PREPL: variants seen among roughly 807,000 people sequenced by gnomAD.
PREPL encodes the protein prolyl endopeptidase like.
A neutral mutation model predicts 70.6 loss-of-function variants in PREPL; 77 were observed. The observed-to-expected ratio is 1.09, with a 90% CI of 0.91 to 1.32. The LOEUF (loss-of-function observed/expected upper bound fraction) is 1.32, where lower values mean the gene tolerates loss of function less well. Among genes scored for constraint, PREPL ranks in the 40% most tolerant of loss-of-function variants. The pLI, the probability that PREPL is intolerant of heterozygous loss-of-function variation, is 0.00. For missense variants in PREPL, 1,002 were observed against 778.2 expected, an observed-to-expected ratio of 1.29 and a Z score of -3.42; for synonymous variants, 315 against 264.8, an observed-to-expected ratio of 1.19 and a Z score of -1.84.
Position 44,320,775 on chromosome 2 carries a change from TAAGA to T in PREPL, c.*577_*580del. 1 of 739,974 alleles carries T rather than the reference TAAGA, an allele frequency of 1.4e-6. No homozygotes were observed. The highest frequency in any genetic ancestry group is 2.3e-6 in the Non-Finnish European group (1 of 429,740). 45.8% of individuals were successfully genotyped at this position (739,974 alleles called of 1,614,324 possible). On this transcript the variant is annotated 3_prime_UTR_variant, in exon 14 of 14. Transcript: ENST00000409411. The stretch of plus-strand genomic sequence containing the variant: ...TTCTGTAGCTTGAATGTAACTGCTT[TAAGA>T]AAGGTTCTCAAATGTTTTGAAAAAA...
intron 6 of PREPL, 147 bp from the exon 7 acceptor site, chr2:44,338,683 G>C: frequency 2.8e-6 from 2 of 720,588 alleles, no homozygotes; most frequent in Non-Finnish European, 4.5e-6. Flanking sequence ...GGGATAAAGT[G>C]TGACCATCAA....
intron 8 of PREPL, among the ~76,000 whole-genome samples, chr2:44,330,588 AT>A (rs1001918298): frequency 3.9e-5 from 6 of 152,230 alleles, no homozygotes; most frequent in Non-Finnish European, 5.9e-5. Context: ...TTCAACAAGC[AT>A]GTATTGCTTT....
rs190459839 is a variant in PREPL at position 44,350,712 on chromosome 2, T to G, written c.-48-4322A>C. Among the ~76,000 whole-genome samples, 18 of 152,342 alleles carry G rather than the reference T, an allele frequency of 1.2e-4. No individual in the cohort carries two copies. In the East Asian group the frequency reaches 3.3e-3, roughly 28 times the overall value. ...CTTACCCCTTCTCTAGAGCCCAGAC[T>G]TTTGCTCTTCTTATGCCACTGACTG... On this transcript the variant is annotated intron_variant, in intron 1 of 13. Coordinates refer to ENST00000409411, the MANE Select transcript of PREPL (RefSeq NM_001171613.2).
chr2:44,328,850 G>C, intron 9 of PREPL, 87 bp downstream of exon 9: 1 of 1,283,748 alleles, frequency 7.8e-7, no homozygotes, highest in Non-Finnish European at 1.1e-6. Flanking sequence ...AAAAAAATAA[G>C]CTTTTGTTCC....
In PREPL at chr2:44,321,817, G is replaced by C. The variant is rs1295732711; in HGVS notation, c.1827+10C>G. 2.5e-6 allele frequency: 4 copies of C among 1,613,800 alleles called. No individual in the cohort carries two copies. Among genetic ancestry groups the C allele is most frequent in the Non-Finnish European group, 3.4e-6 (4 of 1,179,776 alleles). On this transcript the variant is annotated intron_variant, in intron 13 of 13. Coordinates refer to ENST00000409411, the MANE Select transcript of PREPL (RefSeq NM_001171613.2). ...GGAATCTGTCCACTGAGAGGGCCTT[G>C]ATAACATACCTTTTTGTGAGAATCC...
In PREPL at chr2:44,332,566, T is replaced by C; in HGVS notation, c.979A>G (p.Lys327Glu). 6.2e-7 allele frequency: 1 copy of C among 1,613,870 alleles called. No homozygotes were observed. Among genetic ancestry groups the C allele is most frequent in the Non-Finnish European group, 8.5e-7 (1 of 1,179,748 alleles). Residue 327 changes from lysine to glutamate, a missense_variant, in exon 8 of 14, where the codon AAA becomes GAA. By Grantham distance (56) the Lys-to-Glu change is moderately conservative. Coordinates refer to ENST00000409411, the MANE Select transcript of PREPL (RefSeq NM_001171613.2). ...TCTGCAAACTTGTATGTGTAATATT[T>C]TGGGGGACGTATTGGAGAGCAAAGT... ...FQLCSPIRPP[K>E]YYTYKFAEGK... is the part of the protein sequence containing the mutation.
In PREPL at chr2:44,327,920, C is replaced by T. The variant is rs185966998; in HGVS notation, c.1263-992G>A. ...AGGACATGATTTTGGAAGGCTGAGG[C>T]GGGCGGACTGCTTGAGCTCAGGAGT... On this transcript the variant is annotated intron_variant, in intron 9 of 13. Transcript: ENST00000409411. Among the ~76,000 whole-genome samples the T allele has an allele frequency of 1.9e-3, 292 of 151,634 alleles. 1 individual carries two copies. The highest frequency in any genetic ancestry group is 4.7e-3 in the African/African-American group (194 of 41,358).
Position 44,322,711 on chromosome 2 carries a change from G to C in PREPL, c.1753+20C>G. ...AGTAGTCTGTTTGGCCATGTTCCCT[G>C]CTTCTAGGGGGTCTCCTACCTTCAC... On this transcript the variant is annotated intron_variant, in intron 12 of 13. Transcript: ENST00000409411. 1.9e-6 allele frequency: 3 copies of C among 1,609,030 alleles called. No individual in the cohort carries two copies. In the South Asian group the frequency reaches 3.3e-5, roughly 18 times the overall value.
intron 5 of PREPL, among the ~76,000 whole-genome samples, chr2:44,341,997 A>C (rs1025832580): frequency 6.6e-6 from 1 of 152,130 alleles, no homozygotes; most frequent in African/African-American, 2.4e-5. Flanking sequence ...TTTAGTTTGA[A>C]AGAGAGATAC....
Position 44,321,221 on chromosome 2 carries a change from T to C in PREPL, c.*135A>G. The C allele has an allele frequency of 6.4e-6, 5 of 776,334 alleles. No homozygotes were observed. Among genetic ancestry groups the C allele is most frequent in the Non-Finnish European group, 8.2e-6 (4 of 485,198 alleles). The allele number at this position is 776,334 out of a possible 1,614,324, so 48.1% of individuals were successfully genotyped here. On this transcript the variant is annotated 3_prime_UTR_variant, in exon 14 of 14. Transcript: ENST00000409411. ...AGTGAGATGTAGACTAAGCAAAATT[T>C]AGATGGAGAAGCACATTTTAAAAAA... is the stretch of plus-strand genomic sequence containing the variant.
intron 4 of PREPL, among the ~76,000 whole-genome samples, chr2:44,343,415 T>A (rs915205883): frequency 3.3e-5 from 5 of 152,210 alleles, no homozygotes; most frequent in African/African-American, 1.2e-4. Flanking sequence ...AAGCTTAAAG[T>A]TGAATAAAAT....
At chr2:44,338,806 A>G (rs1311482101) in intron 6 of PREPL, among the ~76,000 whole-genome samples, 1 of 152,216 alleles carries the variant, frequency 6.6e-6, no homozygotes, top group Non-Finnish European at 1.5e-5. Flanking sequence ...CTACAGATAC[A>G]TCAGTGAGCT....
chr2:44,346,118 A>G (rs1322063904), intron 2 of PREPL, 150 bp downstream of exon 2: 2 of 637,144 alleles, frequency 3.1e-6, no homozygotes, highest in East Asian at 5.7e-5. Flanking sequence ...CAATCTCTGA[A>G]ATCTTTGCTT....
In PREPL at chr2:44,335,060, A is replaced by C. The variant is rs1184070036; in HGVS notation, c.889-2404T>G. On this transcript the variant is annotated intron_variant, in intron 7 of 13. Coordinates refer to ENST00000409411, the MANE Select transcript of PREPL (RefSeq NM_001171613.2). Reference sequence around the variant, plus strand: ...TATAAAATTCTCTTTATTATATACCAGGTACTAACCAGAAAGATCAAGAAG... The same window carrying C: ...TATAAAATTCTCTTTATTATATACCCGGTACTAACCAGAAAGATCAAGAAG... Among the ~76,000 whole-genome samples, 6 of 152,238 alleles carry C rather than the reference A, an allele frequency of 3.9e-5. No individual in the cohort carries two copies. In the East Asian group the frequency reaches 1.2e-3, roughly 29 times the overall value.
intron 8 of PREPL, among the ~76,000 whole-genome samples, chr2:44,332,148 G>A (rs1483184599): frequency 7.2e-5 from 11 of 151,728 alleles, no homozygotes; most frequent in East Asian, 1.9e-4. Context: ...GGGTTTCACC[G>A]TGTTAGCCAG....
intron 2 of PREPL, among the ~76,000 whole-genome samples, chr2:44,345,122 G>C (rs554098921): frequency 6.6e-6 from 1 of 152,232 alleles, no homozygotes; most frequent in South Asian, 2.1e-4. Context: ...ATTTGAAATT[G>C]AGAGAATTAA....
rs150487076 is a variant in PREPL at position 44,318,093 on chromosome 2, CTG to C, written c.*3261_*3262del. On this transcript the variant is annotated 3_prime_UTR_variant, in exon 14 of 14. Transcript: ENST00000409411. Reference sequence around the variant, plus strand: ...CAATAATACTTAAAGGATCTCAACACTGTTTTTTTTTTTTTTTGAGACAGTCT... The same window carrying C: ...CAATAATACTTAAAGGATCTCAACACTTTTTTTTTTTTTTTGAGACAGTCT... 5,826 of 394,750 alleles carry C rather than the reference CTG, an allele frequency of 0.015. 292 individuals are homozygous for C. In the African/African-American group the frequency reaches 0.16, roughly 11 times the overall value. The allele number at this position is 394,750 out of a possible 1,614,324, so 24.5% of individuals were successfully genotyped here. A position where few individuals can be genotyped will look rare whatever the true frequency, so the allele number is the denominator to read the frequency against.
Position 44,318,052 on chromosome 2 carries a change from TATTTGCAC to T in PREPL, c.*3296_*3303del, listed in dbSNP as rs1672576706. ...TAATTCCATTCCTAATACTTAGAAA[TATTTGCAC>T]ATGTGCACAATAATACTTAAAGGAT... On this transcript the variant is annotated 3_prime_UTR_variant, in exon 14 of 14. Coordinates refer to ENST00000409411, the MANE Select transcript of PREPL (RefSeq NM_001171613.2). 4.7e-6 allele frequency: 2 copies of T among 427,092 alleles called. No homozygotes were observed. The highest frequency in any genetic ancestry group is 5.4e-5 in the Admixed American group (2 of 36,862). The allele number at this position is 427,092 out of a possible 1,614,324, so 26.5% of individuals were successfully genotyped here.
At chr2:44,352,118 A>G (rs1421618195) in intron 1 of PREPL, among the ~76,000 whole-genome samples, 4 of 152,182 alleles carry the variant, frequency 2.6e-5, no homozygotes, top group Non-Finnish European at 1.5e-5. Context: ...GTCATCTTCT[A>G]AGTTAGGCCT....
Sources: allele counts gnomAD v4.1 joint callset (sites outside exome capture counted in the v4.1 genomes callset), GRCh38; gene constraint gnomAD v4.1.1; transcripts MANE v1.5; gene names NCBI Gene and HGNC (gene_info 2026-07-23, HGNC 2026-07-21).